The following CEPT1 variants were observed in gnomAD, a reference collection of about 807,000 sequenced individuals.
CEPT1 encodes choline/ethanolaminephosphotransferase 1.
A neutral mutation model predicts 42.6 loss-of-function variants in CEPT1; 7 were observed. The ratio of observed to expected loss-of-function variants is 0.16; its 90% CI spans 0.09 to 0.31. The LOEUF is 0.31. Ranked by LOEUF, CEPT1 falls within the 10% of genes least tolerant of loss-of-function variation. The probability of loss-of-function intolerance (pLI) is 1.00; values close to 1 mark genes in which losing one functional copy is unlikely to be tolerated. For synonymous variants in CEPT1, 171 were observed against 171.9 expected, an observed-to-expected ratio of 0.99 and a Z score of 0.04; for missense variants, 306 against 502.1, an observed-to-expected ratio of 0.61 and a Z score of 3.73.
intron 1 of CEPT1, among the ~76,000 whole-genome samples, chr1:111,146,323 C>T (rs1484059375): frequency 2.6e-5 from 4 of 151,934 alleles, no homozygotes; most frequent in African/African-American, 9.7e-5. Flanking sequence ...GTATATATTC[C>T]ATTCCTACCC....
chr1:111,168,227 A>G (rs1318067930), intron 4 of CEPT1, among the ~76,000 whole-genome samples: 1 of 152,068 alleles, frequency 6.6e-6, no homozygotes, highest in East Asian at 1.9e-4. Context: ...CATTGTTAGG[A>G]AATGTTTTCC....
intron 2 of CEPT1, among the ~76,000 whole-genome samples, chr1:111,149,762 A>G (rs1338244868): frequency 6.6e-6 from 1 of 152,242 alleles, no homozygotes; most frequent in Non-Finnish European, 1.5e-5. Flanking sequence ...TAGTAGAACA[A>G]CAGGGAGGTG....
intron 2 of CEPT1, 108 bp from the exon 3 acceptor site, chr1:111,159,272 C>G (rs1655748652): frequency 9.9e-7 from 1 of 1,006,654 alleles, no homozygotes; most frequent in Non-Finnish European, 1.5e-6. Context: ...CTTGGATCTT[C>G]TCTCCCATAG....
chr1:111,143,727 C>T (rs534728461), intron 1 of CEPT1, among the ~76,000 whole-genome samples: 1 of 151,726 alleles, frequency 6.6e-6, no homozygotes, highest in Non-Finnish European at 1.5e-5. Context: ...GCTACAATAA[C>T]TTTTGGGTTT....
Position 111,161,303 on chromosome 1 carries a change from A to G in CEPT1, c.629+7A>G. The G allele has an allele frequency of 1.3e-6, 2 of 1,596,732 alleles. No individual in the cohort carries two copies. The highest frequency in any genetic ancestry group is 8.5e-7 in the Non-Finnish European group (1 of 1,172,912). On this transcript the variant is annotated splice_region_variant and intron_variant, in intron 4 of 8. Transcript: ENST00000357172. ...GAACATTGCGATTTGGAATGTAAGT[A>G]ATACTTAATGGTAATTTTTGTTTTC...
intron 4 of CEPT1, 34 bp from the exon 5 acceptor site, chr1:111,174,845 A>G (rs758585199): frequency 2.3e-6 from 3 of 1,291,306 alleles, no homozygotes; most frequent in Non-Finnish European, 3.4e-6. Context: ...TGTTGTGACT[A>G]ATTCTGCTCT....
chr1:111,173,650 CTTA>C, intron 4 of CEPT1, among the ~76,000 whole-genome samples: 1 of 152,146 alleles, frequency 6.6e-6, no homozygotes, highest in South Asian at 2.1e-4. Flanking sequence ...TCTCCTCATT[CTTA>C]TTTCCCAGCT....
intron 5 of CEPT1, chr1:111,178,834 T>A (rs981501515): frequency 4.6e-5 from 7 of 152,212 alleles, no homozygotes; most frequent in Non-Finnish European, 1.5e-5. Context: ...ACTGAAGACG[T>A]TCTATGTAGT....
intron 5 of CEPT1, chr1:111,180,588 C>G (rs1346345428): frequency 6.6e-6 from 1 of 152,110 alleles, no homozygotes; most frequent in Non-Finnish European, 1.5e-5. Flanking sequence ...CTAGGTTGAC[C>G]TAGTTAATTT....
At position 111,183,699 on chromosome 1, in the gene CEPT1, A is replaced by T. The variant is rs1330462567; in HGVS notation, c.1131+112A>T. ...CGTTCATATAATTGTAATGATTTGG[A>T]ATGTCAGAAATCCACATAAATGGGG... On this transcript the variant is annotated intron_variant, in intron 8 of 8. Coordinates refer to ENST00000357172, the MANE Select transcript of CEPT1 (RefSeq NM_006090.5). 6 of 1,120,246 alleles carry T rather than the reference A, an allele frequency of 5.4e-6. No homozygotes were observed. The African/African-American group carries it at 9.4e-5, about 18-fold the overall frequency. The allele number at this position is 1,120,246 out of a possible 1,614,324, so 69.4% of individuals were successfully genotyped here.
At chr1:111,166,968 T>G (rs1656174241) in intron 4 of CEPT1, 1 of 181,458 alleles carries the variant, frequency 5.5e-6, no homozygotes, top group Admixed American at 6.5e-5. Context: ...ACTGTATAAA[T>G]TGTATCATTC....
Position 111,147,929 on chromosome 1 carries a change from G to A in CEPT1, c.215G>A (p.Trp72Ter). 1 of 1,614,170 alleles carries A rather than the reference G, an allele frequency of 6.2e-7. No homozygotes were observed. The highest frequency in any genetic ancestry group is 8.5e-7 in the Non-Finnish European group (1 of 1,180,028). ...SLLEPLMQGYWEWLVRRVPSW... is the reference protein window; with the variant it reads ...SLLEPLMQGY ...CTTGAGCCCTTAATGCAAGGGTATT[G>A]GGAATGGCTCGTTAGAAGAGTTCCC... The change falls in exon 2 of 9, where the codon TGG (tryptophan) becomes TAG (stop). Residue 72 changes from tryptophan to a stop codon, truncating the protein, a stop_gained. Transcript: ENST00000357172. LOFTEE classifies it high-confidence loss of function.
At position 111,184,451 on chromosome 1, in the gene CEPT1, G is replaced by A. The variant is rs914025661; in HGVS notation, c.*141G>A. On this transcript the variant is annotated 3_prime_UTR_variant, in exon 9 of 9. Transcript: ENST00000357172. ...TTTTATTCTTTATTATTGGTAACACGCCCTAACTATCCTGTGTGAGAATGG... is the reference window on the plus strand; with the variant it reads ...TTTTATTCTTTATTATTGGTAACACACCCTAACTATCCTGTGTGAGAATGG... 8 of 588,094 alleles carry A rather than the reference G, an allele frequency of 1.4e-5. No individual in the cohort carries two copies. The highest frequency in any genetic ancestry group is 3.6e-5 in the Admixed American group (1 of 27,758). 36.4% of individuals were successfully genotyped at this position (588,094 alleles called of 1,614,324 possible).
chr1:111,155,464 T>C (rs1655511724), intron 2 of CEPT1, among the ~76,000 whole-genome samples: 1 of 151,864 alleles, frequency 6.6e-6, no homozygotes, highest in Non-Finnish European at 1.5e-5. Flanking sequence ...TGTGTGTGTA[T>C]ACACACAACA....
chr1:111,147,933 A>G lies in CEPT1; in HGVS notation c.219A>G (p.Glu73=), dbSNP rs2101238958. 1 of 1,614,148 alleles carries G rather than the reference A, an allele frequency of 6.2e-7. No individual in the cohort carries two copies. Among genetic ancestry groups the G allele is most frequent in the Non-Finnish European group, 8.5e-7 (1 of 1,180,004 alleles). ...LLEPLMQGYW[E]WLVRRVPSWI... is the part of the protein sequence containing the mutation. ...AGCCCTTAATGCAAGGGTATTGGGAATGGCTCGTTAGAAGAGTTCCCTCCT... is the reference window on the plus strand; with the variant it reads ...AGCCCTTAATGCAAGGGTATTGGGAGTGGCTCGTTAGAAGAGTTCCCTCCT... Residue 73 remains glutamate, a synonymous_variant, in exon 2 of 9, where the codon GAA becomes GAG. Transcript: ENST00000357172.
intron 1 of CEPT1, chr1:111,140,697 GTCCACACCC>G (rs1391764860): frequency 6.6e-6 from 1 of 152,418 alleles, no homozygotes; most frequent in African/African-American, 2.4e-5. Context: ...TGCTTGTCAG[GTCCACACCC>G]TCCTGCCCGA....
In CEPT1 at chr1:111,163,599, A is replaced by C. The variant is rs112936954; in HGVS notation, c.629+2303A>C. Among the ~76,000 whole-genome samples, 1,416 of 151,752 alleles carry C rather than the reference A, an allele frequency of 9.3e-3. 20 individuals are homozygous for C. The highest frequency in any genetic ancestry group is 0.029 in the African/African-American group (1,216 of 41,488). Reference sequence around the variant, plus strand: ...TCCAGCCTGGCAACAGAGCAAGAACATGTCTCAAAAAAAAAAAAGAAATGC... The same window carrying C: ...TCCAGCCTGGCAACAGAGCAAGAACCTGTCTCAAAAAAAAAAAAGAAATGC... On this transcript the variant is annotated intron_variant, in intron 4 of 8. Transcript: ENST00000357172.
rs1655762565 is a variant in CEPT1, at chr1:111,159,536, G to T, written c.487+9G>T. ...TGATTCACTATCAACAGGTATTGTT[G>T]ATTTTTTTAATGTTATTGATTATTA... is the stretch of plus-strand genomic sequence containing the variant. On this transcript the variant is annotated intron_variant, in intron 3 of 8. Transcript: ENST00000357172. 1 of 1,601,768 alleles carries T rather than the reference G, an allele frequency of 6.2e-7. No individual in the cohort carries two copies. The highest frequency in any genetic ancestry group is 1.1e-5 in the South Asian group (1 of 88,524).
At chr1:111,168,640 C>G (rs575332102) in intron 4 of CEPT1, among the ~76,000 whole-genome samples, 7 of 152,238 alleles carry the variant, frequency 4.6e-5, no homozygotes, top group Admixed American at 4.6e-4. Context: ...AGGCGCCCAC[C>G]ACCATGCCCA....
Sources: allele counts gnomAD v4.1 joint callset (sites outside exome capture counted in the v4.1 genomes callset), GRCh38; gene constraint gnomAD v4.1.1; transcripts MANE v1.5; gene names NCBI Gene and HGNC (gene_info 2026-07-23, HGNC 2026-07-21).